The following PCCA variants were observed in gnomAD, a reference collection of about 807,000 sequenced individuals.
The protein encoded by PCCA is propionyl-CoA carboxylase alpha chain, mitochondrial.
A neutral mutation model predicts 101.3 loss-of-function variants in PCCA; 74 were observed. The ratio of observed to expected loss-of-function variants is 0.73; its 90% CI spans 0.61 to 0.89. The LOEUF is 0.89. Among genes scored for constraint, PCCA ranks in the 40% least tolerant of loss-of-function variants. PCCA has a pLI of 0.00. For synonymous variants in PCCA, 294 were observed against 313.6 expected, an observed-to-expected ratio of 0.94 and a Z score of 0.66; for missense variants, 891 against 907.0, an observed-to-expected ratio of 0.98 and a Z score of 0.23.
At chr13:100,308,413 C>G (rs2066633848) in intron 15 of PCCA, among the ~76,000 whole-genome samples, 1 of 152,150 alleles carries the variant, frequency 6.6e-6, no homozygotes, top group Non-Finnish European at 1.5e-5. Context: ...CAGCCTTGAC[C>G]TCCCAGGCTC....
intron 21 of PCCA, among the ~76,000 whole-genome samples, chr13:100,509,126 A>AGT (rs1446510464): frequency 6.6e-6 from 1 of 151,104 alleles, no homozygotes; most frequent in East Asian, 2.0e-4. Context: ...CTTGCAAGTT[A>AGT]GTGTGGTGTT....
chr13:100,452,136 T>C (rs1380779039), intron 21 of PCCA, among the ~76,000 whole-genome samples: 1 of 129,186 alleles, frequency 7.7e-6, no homozygotes, highest in Non-Finnish European at 1.7e-5. Context: ...TCTCCCTCTC[T>C]CTCCTCTTCT....
intron 1 of PCCA, among the ~76,000 whole-genome samples, chr13:100,093,122 G>C (rs2046425164): frequency 6.6e-6 from 1 of 150,378 alleles, no homozygotes. Flanking sequence ...GATGAAAAAG[G>C]AATTTGGGAA....
chr13:100,194,565 G>C (rs1490458372), intron 6 of PCCA, among the ~76,000 whole-genome samples: 1 of 152,022 alleles, frequency 6.6e-6, no homozygotes, highest in Non-Finnish European at 1.5e-5. Flanking sequence ...TTACAGGCGT[G>C]TGCCACCACA....
chr13:100,353,394 G>A (rs1458024048), intron 18 of PCCA, among the ~76,000 whole-genome samples: 1 of 152,102 alleles, frequency 6.6e-6, no homozygotes, highest in Non-Finnish European at 1.5e-5. Context: ...CATAAAACAA[G>A]CCTCAGTAAA....
At chr13:100,444,404 A>G (rs1595921129) in intron 20 of PCCA, among the ~76,000 whole-genome samples, 1 of 104,886 alleles carries the variant, frequency 9.5e-6, no homozygotes, top group Non-Finnish European at 1.9e-5. Context: ...GGATTTCACC[A>G]TGTTGGCCAG....
chr13:100,222,703 G>A (rs933955546), intron 7 of PCCA, among the ~76,000 whole-genome samples: 1 of 152,186 alleles, frequency 6.6e-6, no homozygotes, highest in African/African-American at 2.4e-5. Flanking sequence ...AAAATGTTTA[G>A]TGTTCTTTAA....
At chr13:100,524,492 C>T (rs761103193) in intron 22 of PCCA, among the ~76,000 whole-genome samples, 3 of 151,664 alleles carry the variant, frequency 2.0e-5, no homozygotes, top group Non-Finnish European at 4.4e-5. Flanking sequence ...AACACCATCT[C>T]TTAGGGATGA....
chr13:100,327,095 C>G (rs1399772774), intron 16 of PCCA, among the ~76,000 whole-genome samples: 1 of 152,028 alleles, frequency 6.6e-6, no homozygotes, highest in Non-Finnish European at 1.5e-5. Context: ...TAATAAATTT[C>G]TGATATTTAA....
intron 6 of PCCA, among the ~76,000 whole-genome samples, chr13:100,178,733 A>T (rs1466034536): frequency 3.3e-5 from 5 of 149,806 alleles, no homozygotes; most frequent in African/African-American, 1.3e-4. Flanking sequence ...ATGCCTGTTT[A>T]TTAAAAAAAA....
chr13:100,462,212 G>T (rs745763262), intron 21 of PCCA, among the ~76,000 whole-genome samples: 9 of 152,168 alleles, frequency 5.9e-5, no homozygotes, highest in Non-Finnish European at 1.3e-4. Context: ...GGTAATGTGT[G>T]TTCTGTGTGC....
chr13:100,414,131 T>G (rs1249508840), intron 19 of PCCA, among the ~76,000 whole-genome samples: 1 of 152,250 alleles, frequency 6.6e-6, no homozygotes, highest in Non-Finnish European at 1.5e-5. Flanking sequence ...ATTACATTTA[T>G]AACACATGGA....
At chr13:100,383,435 C>A (rs2076336590) in intron 19 of PCCA, among the ~76,000 whole-genome samples, 1 of 151,810 alleles carries the variant, frequency 6.6e-6, no homozygotes, top group Non-Finnish European at 1.5e-5. Flanking sequence ...TAGACCAGCC[C>A]TGGCAACAAA....
intron 4 of PCCA, among the ~76,000 whole-genome samples, chr13:100,112,733 T>A (rs1000241648): frequency 2.6e-5 from 4 of 152,020 alleles, no homozygotes; most frequent in African/African-American, 9.7e-5. Flanking sequence ...CCTGCCATCA[T>A]GCCTGGCTGA....
chr13:100,109,873 T>TA (rs1477089836), intron 2 of PCCA, among the ~76,000 whole-genome samples: 2 of 152,338 alleles, frequency 1.3e-5, no homozygotes, highest in African/African-American at 4.8e-5. Flanking sequence ...GGCTCAGGCT[T>TA]GTAATCCCAG....
chr13:100,304,641 G>C (rs2066319550), intron 14 of PCCA, among the ~76,000 whole-genome samples: 5 of 152,216 alleles, frequency 3.3e-5, no homozygotes, highest in Admixed American at 2.6e-4. Flanking sequence ...ACTGAAGACA[G>C]AAATTTTAAT....
intron 21 of PCCA, among the ~76,000 whole-genome samples, chr13:100,488,450 A>T (rs1192598630): frequency 6.6e-6 from 1 of 152,128 alleles, no homozygotes; most frequent in Non-Finnish European, 1.5e-5. Context: ...TTTTGAAAAA[A>T]ATTGCAAAAA....
chr13:100,245,645 A>G (rs934405348), intron 8 of PCCA, among the ~76,000 whole-genome samples: 5 of 152,198 alleles, frequency 3.3e-5, no homozygotes, highest in Non-Finnish European at 7.3e-5. Context: ...GTAATCATCA[A>G]TAAGACATTC....
intron 8 of PCCA, among the ~76,000 whole-genome samples, chr13:100,245,747 T>C (rs1048299258): frequency 2.0e-5 from 3 of 152,224 alleles, no homozygotes; most frequent in Admixed American, 2.0e-4. Context: ...CTTGAATTTA[T>C]CTACTTCTCT....
Sources: gnomAD v4.1 joint callset for allele counts (sites outside exome capture counted in the v4.1 genomes callset) on GRCh38, gnomAD v4.1.1 for gene constraint, MANE v1.5 for transcripts, NCBI Gene and HGNC (gene_info 2026-07-23, HGNC 2026-07-21) for gene names.